Variants in SLC4A4 observed in about 807,000 individuals in gnomAD.
SLC4A4 encodes the protein electrogenic sodium bicarbonate cotransporter 1.
In SLC4A4, 27 loss-of-function variants were observed where a neutral mutation model predicts 111.5. That is an observed-to-expected ratio of 0.24 (90% confidence interval 0.18 to 0.33). SLC4A4 has a LOEUF of 0.33. Ranked by LOEUF, SLC4A4 falls within the 10% of genes least tolerant of loss-of-function variation. The probability of loss-of-function intolerance (pLI) is 1.00; values close to 1 mark genes in which losing one functional copy is unlikely to be tolerated. For missense variants in SLC4A4, 909 were observed against 1,315.5 expected (o/e 0.69, Z 4.78); for synonymous variants, 443 against 463.4 (o/e 0.96, Z 0.57).
intron 1 of SLC4A4, among the ~76,000 whole-genome samples, chr4:71,090,800 G>C (rs1041271912): frequency 5.9e-5 from 9 of 152,194 alleles, no homozygotes; most frequent in African/African-American, 1.4e-4. Context: ...TCAGAGAAAG[G>C]CTGTTTCAAA....
Position 71,259,176 on chromosome 4 carries a change from G to A in SLC4A4, c.253+3777G>A, listed in dbSNP as rs75217528. Among the ~76,000 whole-genome samples the A allele has an allele frequency of 5.2e-3, 785 of 152,226 alleles. 6 individuals carry two copies. Among genetic ancestry groups the A allele is most frequent in the Non-Finnish European group, 6.6e-3 (446 of 68,020 alleles). On this transcript the variant is annotated intron_variant, in intron 3 of 25. Coordinates refer to ENST00000264485, the MANE Select transcript of SLC4A4 (RefSeq NM_001098484.3). ...GAAAGGGCATTTATAAGAAGTAAAC[G>A]AAATATCTTCCAGTATTTAGGCACA...
chr4:71,148,386 A>C (rs866537250), intron 2 of SLC4A4, among the ~76,000 whole-genome samples: 1 of 151,934 alleles, frequency 6.6e-6, no homozygotes, highest in African/African-American at 2.4e-5. Context: ...AAAGAAATTA[A>C]TTTTCTTTCT....
intron 18 of SLC4A4, among the ~76,000 whole-genome samples, chr4:71,537,689 A>G (rs933112936): frequency 1.1e-4 from 17 of 150,068 alleles, no homozygotes; most frequent in Non-Finnish European, 2.1e-4. Context: ...TGTTCCCACT[A>G]TCTTTCTCTG....
intron 2 of SLC4A4, among the ~76,000 whole-genome samples, chr4:71,094,733 T>C (rs896745193): frequency 3.3e-5 from 5 of 152,204 alleles, no homozygotes; most frequent in Non-Finnish European, 5.9e-5. Flanking sequence ...TTTGGGGGAT[T>C]ACCAGAAGCT....
intron 13 of SLC4A4, among the ~76,000 whole-genome samples, chr4:71,470,708 A>G (rs1477600414): frequency 1.3e-5 from 2 of 152,016 alleles, no homozygotes; most frequent in Non-Finnish European, 2.9e-5. Context: ...GGCTCATGCA[A>G]TTATAGAGGC....
At chr4:71,240,200 A>G (rs549274733) in intron 2 of SLC4A4, among the ~76,000 whole-genome samples, 1 of 152,344 alleles carries the variant, frequency 6.6e-6, no homozygotes, top group South Asian at 2.1e-4. Flanking sequence ...ATTCCTAAAA[A>G]AGCCAGCCAG....
At chr4:71,090,775 A>G (rs75460313) in intron 1 of SLC4A4, among the ~76,000 whole-genome samples, 2,136 of 152,282 alleles carry the variant, frequency 0.014, 49 homozygotes, top group African/African-American at 0.049. Context: ...TTGTGAAACA[A>G]TTAGTCAGAG....
At chr4:71,422,276 G>A (rs1206075916) in intron 7 of SLC4A4, among the ~76,000 whole-genome samples, 1 of 143,502 alleles carries the variant, frequency 7.0e-6, no homozygotes, top group African/African-American at 2.6e-5. Flanking sequence ...ACTCTCCCAA[G>A]ACTAAACCAG....
At chr4:71,293,309 A>T (rs1724525693) in intron 3 of SLC4A4, among the ~76,000 whole-genome samples, 1 of 150,788 alleles carries the variant, frequency 6.6e-6, no homozygotes, top group Non-Finnish European at 1.5e-5. Context: ...CACGCCTGTA[A>T]TCCCAGCACT....
chr4:71,118,312 T>C (rs1028856539), intron 2 of SLC4A4, among the ~76,000 whole-genome samples: 1 of 152,254 alleles, frequency 6.6e-6, no homozygotes, highest in African/African-American at 2.4e-5. Flanking sequence ...TATCAAAGCT[T>C]AAAATAAATC....
intron 18 of SLC4A4, among the ~76,000 whole-genome samples, chr4:71,537,299 G>GTGTGTA (rs1338023593): frequency 4.6e-5 from 1 of 21,838 alleles, no homozygotes; most frequent in Non-Finnish European, 1.5e-4. Flanking sequence ...CTACATATAT[G>GTGTGTA]TATATGTATA....
At chr4:71,191,680 A>G (rs1745738547) in intron 1 of SLC4A4, among the ~76,000 whole-genome samples, 1 of 152,194 alleles carries the variant, frequency 6.6e-6, no homozygotes, top group Non-Finnish European at 1.5e-5. Context: ...TCCAGGGAGT[A>G]TTTCATGAGA....
chr4:71,261,070 CT>C (rs1721819878), intron 3 of SLC4A4, among the ~76,000 whole-genome samples: 1 of 152,158 alleles, frequency 6.6e-6, no homozygotes, highest in Non-Finnish European at 1.5e-5. Flanking sequence ...ACTAGGCGTT[CT>C]TTTGCTTTAG....
chr4:71,089,946 T>C (rs12642253), intron 1 of SLC4A4, among the ~76,000 whole-genome samples: 22,425 of 70,414 alleles, frequency 0.32, 5,997 homozygotes, highest in East Asian at 0.51. Context: ...CATTTAAGTC[T>C]GCAGAGAATT....
chr4:71,425,136 G>T (rs1232498727), intron 7 of SLC4A4, among the ~76,000 whole-genome samples: 2 of 152,090 alleles, frequency 1.3e-5, no homozygotes, highest in Non-Finnish European at 2.9e-5. Context: ...GTGTGTTTAA[G>T]ATGGTATTTG....
chr4:71,536,457 CATATATACATAT>C lies in SLC4A4; in HGVS notation c.2442+2077_2442+2088del, dbSNP rs1195689433. Among the ~76,000 whole-genome samples, 119 of 31,412 alleles carry C rather than the reference CATATATACATAT, an allele frequency of 3.8e-3. 4 individuals carry two copies. The highest frequency in any genetic ancestry group is 6.2e-3 in the Admixed American group (12 of 1,922). The allele number at this position is 31,412 out of a possible 152,430, so 20.6% of individuals were successfully genotyped here. A position where few individuals can be genotyped will look rare whatever the true frequency, so the allele number is the denominator to read the frequency against. On this transcript the variant is annotated intron_variant, in intron 18 of 25. Transcript: ENST00000264485. ...TCATTTAAGCATATATACATATATA[CATATATACATAT>C]ATATATATATATATATATGTATATA...
chr4:71,381,758 C>T (rs765278795), intron 6 of SLC4A4, among the ~76,000 whole-genome samples: 15 of 152,070 alleles, frequency 9.9e-5, no homozygotes, highest in Non-Finnish European at 2.1e-4. Flanking sequence ...GCTGTGTCAC[C>T]CAGGCTGGAG....
At position 71,271,243 on chromosome 4, in the gene SLC4A4, G is replaced by A. The variant is rs546045735; in HGVS notation, c.253+15844G>A. ...AAATGATTCTGAGGGATATTTAGAG[G>A]TTATTATTTCTGCTTTACATGAGAA... On this transcript the variant is annotated intron_variant, in intron 3 of 25. Coordinates refer to ENST00000264485, the MANE Select transcript of SLC4A4 (RefSeq NM_001098484.3). Among the ~76,000 whole-genome samples the A allele has an allele frequency of 2.2e-3, 334 of 152,316 alleles. 5 individuals carry two copies. The highest frequency in any genetic ancestry group is 7.7e-3 in the African/African-American group (319 of 41,554).
chr4:71,233,527 T>C (rs748096976), intron 1 of SLC4A4, among the ~76,000 whole-genome samples: 2 of 152,120 alleles, frequency 1.3e-5, no homozygotes, highest in African/African-American at 2.4e-5. Flanking sequence ...TGGTCTTAGG[T>C]CCACTCCTTG....
Sources: gnomAD v4.1 joint callset for allele counts (sites outside exome capture counted in the v4.1 genomes callset) on GRCh38, gnomAD v4.1.1 for gene constraint, MANE v1.5 for transcripts, NCBI Gene and HGNC (gene_info 2026-07-23, HGNC 2026-07-21) for gene names.